SEZ6L: variants seen among roughly 807,000 people sequenced by gnomAD.
SEZ6L encodes the protein seizure 6-like protein.
Under a neutral mutation model 106.2 loss-of-function variants are expected in SEZ6L, and 37 were observed. That is an observed-to-expected ratio of 0.35 (90% CI 0.27 to 0.46). The LOEUF is 0.46. Among genes scored for constraint, SEZ6L ranks in the 20% least tolerant of loss-of-function variants. The probability of loss-of-function intolerance (pLI) is 1.00; values close to 1 mark genes in which losing one functional copy is unlikely to be tolerated. For synonymous variants in SEZ6L, 541 were observed against 570.4 expected, an observed-to-expected ratio of 0.95 and a Z score of 0.73; for missense variants, 1,172 against 1,332.8, an observed-to-expected ratio of 0.88 and a Z score of 1.88.
At chr22:26,209,057 A>C (rs1569380934) in intron 1 of SEZ6L, among the ~76,000 whole-genome samples, 1 of 152,036 alleles carries the variant, frequency 6.6e-6, no homozygotes, top group Non-Finnish European at 1.5e-5. Flanking sequence ...CCATCAGTGA[A>C]TATTTAATTT....
At chr22:26,310,857 C>A in intron 7 of SEZ6L, 21 bp downstream of exon 7, 1 of 1,611,206 alleles carries the variant, frequency 6.2e-7, no homozygotes, top group South Asian at 1.1e-5. Flanking sequence ...CTGGGAGCTT[C>A]CCTTTCTCTT....
chr22:26,180,965 G>A (rs936900183), intron 1 of SEZ6L, among the ~76,000 whole-genome samples: 2 of 152,196 alleles, frequency 1.3e-5, no homozygotes. Context: ...ACTGAGGTAG[G>A]ACTGACTGTG....
chr22:26,317,298 C>T (rs2082033163), intron 9 of SEZ6L, among the ~76,000 whole-genome samples: 1 of 151,994 alleles, frequency 6.6e-6, no homozygotes, highest in Non-Finnish European at 1.5e-5. Flanking sequence ...CAGAAGTTAC[C>T]AGGAAAACTA....
intron 1 of SEZ6L, among the ~76,000 whole-genome samples, chr22:26,245,739 C>T (rs2079316662): frequency 6.6e-6 from 1 of 152,146 alleles, no homozygotes; most frequent in Admixed American, 6.6e-5. Flanking sequence ...AAGTCACTTC[C>T]CTTCTCTTTA....
intron 13 of SEZ6L, among the ~76,000 whole-genome samples, chr22:26,372,851 T>G (rs1474500583): frequency 6.6e-6 from 1 of 151,934 alleles, no homozygotes; most frequent in Non-Finnish European, 1.5e-5. Context: ...ATTAGAGAGG[T>G]TTACATAGAT....
At chr22:26,264,496 A>T (rs1005338857) in intron 1 of SEZ6L, among the ~76,000 whole-genome samples, 1 of 152,258 alleles carries the variant, frequency 6.6e-6, no homozygotes, top group Admixed American at 6.5e-5. Context: ...CCATGAAATT[A>T]TCAAAATTTG....
intron 1 of SEZ6L, among the ~76,000 whole-genome samples, chr22:26,194,965 T>A (rs1384076882): frequency 6.6e-6 from 1 of 152,354 alleles, no homozygotes; most frequent in East Asian, 1.9e-4. Context: ...GTCAGCTTTA[T>A]CCACTGACAT....
chr22:26,297,557 A>G (rs746219685), intron 4 of SEZ6L, among the ~76,000 whole-genome samples: 4 of 152,208 alleles, frequency 2.6e-5, no homozygotes, highest in Non-Finnish European at 4.4e-5. Flanking sequence ...TCCTTCATTC[A>G]AGTTCACAGG....
intron 1 of SEZ6L, among the ~76,000 whole-genome samples, chr22:26,267,352 T>C (rs1161429358): frequency 1.3e-5 from 2 of 152,198 alleles, no homozygotes; most frequent in African/African-American, 4.8e-5. Flanking sequence ...CAGGAAAGTA[T>C]CCAGGGGTTT....
rs528266957 is a variant in SEZ6L, at chr22:26,331,970, G to A, written c.2016-8466G>A. Among the ~76,000 whole-genome samples, 12 of 151,902 alleles carry A rather than the reference G, an allele frequency of 7.9e-5. No individual in the cohort carries two copies. In the South Asian group the frequency reaches 1.9e-3, roughly 24 times the overall value. On this transcript the variant is annotated intron_variant, in intron 9 of 16. Transcript: ENST00000248933. ...ACTGCACTCCAGCCCGGGCAACAGAGCAAGACTGTGTCTCAAAAAAGAATT... is the reference window on the plus strand; with the variant it reads ...ACTGCACTCCAGCCCGGGCAACAGAACAAGACTGTGTCTCAAAAAAGAATT...
chr22:26,314,026 A>G, intron 9 of SEZ6L, 124 bp downstream of exon 9: 2 of 937,068 alleles, frequency 2.1e-6, no homozygotes, highest in Non-Finnish European at 3.3e-6. Flanking sequence ...GGGACTATGC[A>G]GAGAACAGGC....
chr22:26,316,892 G>GAAAGAAGAAAGAAAGAAAGAAAGAA (rs1229794374), intron 9 of SEZ6L, among the ~76,000 whole-genome samples: 1 of 103,676 alleles, frequency 9.6e-6, no homozygotes, highest in African/African-American at 3.7e-5. Context: ...AAGAAAGAAA[G>GAAAGAAGAAAGAAAGAAAGAAAGAA]AGAAAGAAAG....
intron 3 of SEZ6L, among the ~76,000 whole-genome samples, chr22:26,295,152 G>A (rs757147382): frequency 5.3e-5 from 8 of 152,110 alleles, no homozygotes; most frequent in South Asian, 2.1e-4. Flanking sequence ...TCAGTTTCCC[G>A]ATCAATAAAA....
intron 12 of SEZ6L, among the ~76,000 whole-genome samples, chr22:26,359,086 C>CAG (rs2083530897): frequency 2.0e-5 from 3 of 152,206 alleles, no homozygotes; most frequent in African/African-American, 4.8e-5. Context: ...GGTGGTGCAG[C>CAG]AGACACAGGC....
chr22:26,311,164 T>C (rs2081817484), intron 7 of SEZ6L, among the ~76,000 whole-genome samples: 1 of 152,162 alleles, frequency 6.6e-6, no homozygotes, highest in South Asian at 2.1e-4. Context: ...TTTAAGACAC[T>C]TGGGTGACCG....
At chr22:26,352,030 G>T (rs914947244) in intron 12 of SEZ6L, among the ~76,000 whole-genome samples, 1 of 152,038 alleles carries the variant, frequency 6.6e-6, no homozygotes, top group Non-Finnish European at 1.5e-5. Context: ...GCATGGTGGT[G>T]TACACCTATT....
chr22:26,288,936 C>T (rs137201), intron 1 of SEZ6L, among the ~76,000 whole-genome samples: 7,702 of 152,276 alleles, frequency 0.051, 523 homozygotes, highest in African/African-American at 0.16. Context: ...CCCCAACATC[C>T]GCCAGTGTTG....
chr22:26,380,408 G>A lies in SEZ6L; in HGVS notation c.*113G>A. ...AACCCCAGAATGTCGACTGTCTTTT[G>A]TTTAGACTCTTTATCAAAGGTTTAC... On this transcript the variant is annotated 3_prime_UTR_variant, in exon 17 of 17. Coordinates refer to ENST00000248933, the MANE Select transcript of SEZ6L (RefSeq NM_021115.5). 13 of 790,978 alleles carry A rather than the reference G, an allele frequency of 1.6e-5. No individual in the cohort carries two copies. Among genetic ancestry groups the A allele is most frequent in the Non-Finnish European group, 2.6e-5 (12 of 460,256 alleles). 49.0% of individuals were successfully genotyped at this position (790,978 alleles called of 1,614,324 possible).
chr22:26,208,076 AT>A (rs531181975), intron 1 of SEZ6L, among the ~76,000 whole-genome samples: 1,924 of 144,934 alleles, frequency 0.013, 33 homozygotes, highest in African/African-American at 0.033. Flanking sequence ...TGCCCAGCTA[AT>A]TTTTTTTTTT....
Sources: allele counts gnomAD v4.1 joint callset (sites outside exome capture counted in the v4.1 genomes callset), GRCh38; gene constraint gnomAD v4.1.1; transcripts MANE v1.5; gene names NCBI Gene and HGNC (gene_info 2026-07-23, HGNC 2026-07-21).